Variants in LINGO1 observed in about 807,000 individuals in gnomAD.
LINGO1 encodes leucine rich repeat and Ig domain containing 1.
In LINGO1, 11 loss-of-function variants were observed where a neutral mutation model predicts 37.3. That is an observed-to-expected ratio of 0.29 (90% confidence interval 0.19 to 0.49). LINGO1 has a LOEUF of 0.49. LINGO1 is among the 20% of genes least tolerant of loss of function. The pLI, the probability that LINGO1 is intolerant of heterozygous loss-of-function variation, is 0.99. For synonymous variants in LINGO1, 387 were observed against 403.0 expected (o/e 0.96, Z 0.48); for missense variants, 585 against 878.2 (o/e 0.67, Z 4.22).
At chr15:77,671,894 C>G (rs1305333442) in intron 3 of LINGO1, among the ~76,000 whole-genome samples, 2 of 152,210 alleles carry the variant, frequency 1.3e-5, no homozygotes, top group Non-Finnish European at 2.9e-5. Flanking sequence ...CTGTGGGTGT[C>G]AGAGACAGGT....
At chr15:77,686,537 C>T (rs929256817) in intron 2 of LINGO1, among the ~76,000 whole-genome samples, 1 of 152,216 alleles carries the variant, frequency 6.6e-6, no homozygotes, top group Non-Finnish European at 1.5e-5. Context: ...GATACATGTG[C>T]CTCCCTTGCA....
chr15:77,752,422 A>G (rs959407725), intron 1 of LINGO1, among the ~76,000 whole-genome samples: 9 of 152,100 alleles, frequency 5.9e-5, no homozygotes, highest in Non-Finnish European at 1.3e-4. Context: ...CGGCAAACCC[A>G]CTCAGGCAGC....
chr15:77,740,143 C>A (rs1179403269), intron 1 of LINGO1, among the ~76,000 whole-genome samples: 4 of 152,218 alleles, frequency 2.6e-5, no homozygotes, highest in Non-Finnish European at 5.9e-5. Flanking sequence ...AGCCAAGGAG[C>A]CCTGACAGCA....
intron 3 of LINGO1, among the ~76,000 whole-genome samples, chr15:77,668,397 T>C (rs1384429634): frequency 6.6e-6 from 1 of 152,208 alleles, no homozygotes; most frequent in Non-Finnish European, 1.5e-5. Context: ...CCCCTGAGCC[T>C]GTGGGGACTT....
At chr15:77,794,650 T>C (rs1160117716) in intron 2 of LINGO1, among the ~76,000 whole-genome samples, 1 of 147,534 alleles carries the variant, frequency 6.8e-6, no homozygotes, top group Non-Finnish European at 1.5e-5. Context: ...TGCAGTGGCG[T>C]GATCTCGGCT....
intron 1 of LINGO1, among the ~76,000 whole-genome samples, chr15:77,806,720 G>A (rs2076962953): frequency 6.6e-6 from 1 of 152,116 alleles, no homozygotes; most frequent in Non-Finnish European, 1.5e-5. Flanking sequence ...CCCAGTCCAG[G>A]GAAGAACTGG....
intron 1 of LINGO1, among the ~76,000 whole-genome samples, chr15:77,752,439 A>T (rs1306217656): frequency 6.6e-6 from 1 of 152,194 alleles, no homozygotes; most frequent in Non-Finnish European, 1.5e-5. Context: ...CAGCTGGCAA[A>T]AGCAACACAA....
At chr15:77,762,504 C>A (rs1462417651) in intron 1 of LINGO1, among the ~76,000 whole-genome samples, 8 of 152,128 alleles carry the variant, frequency 5.3e-5, no homozygotes, top group Non-Finnish European at 1.5e-5. Flanking sequence ...GGAGCAGATA[C>A]CTGCCCAAGG....
intron 1 of LINGO1, among the ~76,000 whole-genome samples, chr15:77,617,388 C>T (rs2073765487): frequency 1.3e-5 from 2 of 152,168 alleles, no homozygotes; most frequent in Admixed American, 6.5e-5. Context: ...ATCAGATGGC[C>T]TCTGGGAGCC....
chr15:77,660,727 C>T (rs1451773996), intron 3 of LINGO1, among the ~76,000 whole-genome samples: 2 of 152,210 alleles, frequency 1.3e-5, no homozygotes, highest in East Asian at 3.8e-4. Flanking sequence ...CCTGGGTGGA[C>T]AGGCAGAGAG....
Position 77,614,397 on chromosome 15 carries a change from C to A in LINGO1, c.1510G>T (p.Gly504Cys), listed in dbSNP as rs759222486. ...AGGTGGGCGGGCATGGAGTCGTTGC[C>A]GCCCGCGTTGGCCGCGATGCACAGG... ...TYLCIAANAG[G>C]NDSMPAHLHV... Residue 504 changes from glycine (G) to cysteine (C), a missense_variant, in exon 2 of 2, where the codon GGC becomes TGC. This residue lies in a region of LINGO1 where 484 missense variants were observed against 735.0 expected (regional missense o/e 0.66). Coordinates refer to ENST00000355300, the MANE Select transcript of LINGO1 (RefSeq NM_032808.7). The A allele has an allele frequency of 6.2e-7, 1 of 1,613,236 alleles. No individual in the cohort carries two copies. The highest frequency in any genetic ancestry group is 8.5e-7 in the Non-Finnish European group (1 of 1,179,786).
rs115767784 is a variant in LINGO1 at position 77,703,112 on chromosome 15, C to T, written c.-194-12211G>A. Reference sequence around the variant, plus strand: ...GTGAAGCAAACTGCTCTGTCCATCTCGCAGGCTCGCAGATAAGCCACGGCA... The same window carrying T: ...GTGAAGCAAACTGCTCTGTCCATCTTGCAGGCTCGCAGATAAGCCACGGCA... On this transcript the variant is annotated intron_variant, in intron 2 of 3. Transcript: ENST00000561686. Among the ~76,000 whole-genome samples, 391 of 152,314 alleles carry T rather than the reference C, an allele frequency of 2.6e-3. 2 individuals carry two copies. Among genetic ancestry groups the T allele is most frequent in the African/African-American group, 8.8e-3 (367 of 41,566 alleles).
At chr15:77,818,085 A>T (rs1198620816) in intron 1 of LINGO1, among the ~76,000 whole-genome samples, 1 of 152,158 alleles carries the variant, frequency 6.6e-6, no homozygotes, top group African/African-American at 2.4e-5. Flanking sequence ...AGGCATATGG[A>T]TGGGGGCTGC....
At chr15:77,734,093 C>T (rs976217766) in intron 2 of LINGO1, among the ~76,000 whole-genome samples, 23 of 152,254 alleles carry the variant, frequency 1.5e-4, no homozygotes, top group African/African-American at 4.1e-4. Flanking sequence ...CTGGGCCGTG[C>T]GGCAAGTTAG....
At chr15:77,622,823 C>T (rs1295794299) in intron 1 of LINGO1, among the ~76,000 whole-genome samples, 5 of 152,208 alleles carry the variant, frequency 3.3e-5, no homozygotes, top group African/African-American at 4.8e-5. Flanking sequence ...GCCTCCTACT[C>T]GGCCTTCAGA....
At chr15:77,654,812 G>A (rs754652760) in intron 3 of LINGO1, among the ~76,000 whole-genome samples, 1 of 152,158 alleles carries the variant, frequency 6.6e-6, no homozygotes, top group Admixed American at 6.5e-5. Context: ...CTACTTCCCT[G>A]GTTATTGTAA....
At chr15:77,634,176 C>A, upstream of LINGO1, 1 of 451,738 alleles carries the variant, frequency 2.2e-6, no homozygotes, top group South Asian at 1.6e-5. Flanking sequence ...AACATCATTG[C>A]AGAGATGCCT....
chr15:77,785,235 C>T (rs566035295), intron 1 of LINGO1, among the ~76,000 whole-genome samples: 6 of 152,304 alleles, frequency 3.9e-5, no homozygotes, highest in Non-Finnish European at 8.8e-5. Context: ...CAGCCCACTG[C>T]AGACCCCTCC....
rs748432694 is a variant in LINGO1 at position 77,614,953 on chromosome 15, C to G, written c.954G>C (p.Leu318=). 6.2e-7 allele frequency: 1 copy of G among 1,613,890 alleles called. No homozygotes were observed. Among genetic ancestry groups the G allele is most frequent in the Non-Finnish European group, 8.5e-7 (1 of 1,179,860 alleles). ...CCACCACGGCCAGCTGCCCGCCCAC[C>G]AGCTGGATCTCCTGCAGCCGGAGCA... is the stretch of plus-strand genomic sequence containing the variant. ...HELLRLQEIQ[L]VGGQLAVVEP... Residue 318 remains leucine (L), a synonymous_variant, in exon 2 of 2, where the codon CTG becomes CTC. Transcript: ENST00000355300.
Sources: allele counts gnomAD v4.1 joint callset (sites outside exome capture counted in the v4.1 genomes callset), GRCh38; gene constraint gnomAD v4.1.1; regional missense constraint gnomAD v4.1.1; transcripts MANE v1.5; gene names NCBI Gene and HGNC (gene_info 2026-07-23, HGNC 2026-07-21).